GOLIM4: variants seen among roughly 807,000 people sequenced by gnomAD.
The protein encoded by GOLIM4 is golgi integral membrane protein 4.
Under a neutral mutation model 107.4 loss-of-function variants are expected in GOLIM4, and 71 were observed. That is an observed-to-expected ratio of 0.66 (90% CI 0.55 to 0.81). The LOEUF (loss-of-function observed/expected upper bound fraction) is 0.81, where lower values mean the gene tolerates loss of function less well. GOLIM4 is among the 30% of genes least tolerant of loss of function. The pLI is 0.00. For missense variants in GOLIM4, 830 were observed against 826.1 expected, an observed-to-expected ratio of 1.00 and a Z score of -0.06; for synonymous variants, 327 against 294.8, an observed-to-expected ratio of 1.11 and a Z score of -1.12.
Position 168,032,776 on chromosome 3 carries a change from G to A in GOLIM4, c.920C>T (p.Pro307Leu), listed in dbSNP as rs1383517995. 1 of 1,613,804 alleles carries A rather than the reference G, an allele frequency of 6.2e-7. No homozygotes were observed. Among genetic ancestry groups the A allele is most frequent in the African/African-American group, 1.3e-5 (1 of 74,858 alleles). ...CTGAAATTCTGCCTCCTTATGGGTG[G>A]GAGCATAGAGTTTTGTGTCTTCTGC... ...GRAEDTKLYAPTHKEAEFQAP... is the reference protein window; with the variant it reads ...GRAEDTKLYALTHKEAEFQAP... The change falls in exon 9 of 16, where the codon CCC becomes CTC. Residue 307 changes from proline to leucine, a missense_variant. By Grantham distance (98) the Pro-to-Leu change is moderately conservative. Transcript: ENST00000470487.
intron 1 of GOLIM4, among the ~76,000 whole-genome samples, chr3:168,069,457 A>G (rs975603125): frequency 1.3e-5 from 2 of 152,348 alleles, no homozygotes; most frequent in Admixed American, 1.3e-4. Flanking sequence ...CAATAATATA[A>G]TTTGAAACAA....
rs1306728865 is a variant in GOLIM4 at position 168,010,751 on chromosome 3, C to T, written c.1933G>A (p.Asp645Asn). Residue 645 changes from aspartate to asparagine, a missense_variant, in exon 15 of 16, where the codon GAT becomes AAT. By Grantham distance (23) the Asp-to-Asn change is conservative. Coordinates refer to ENST00000470487, the MANE Select transcript of GOLIM4 (RefSeq NM_014498.5). ...ATGTATCCCGGTCATACATTTTCAT[C>T]ATTTTCACCATAGGTCTCTTCAGCA... ...HNAEETYGEN[D>N]ENTDDKNNDG... 5.0e-6 allele frequency: 8 copies of T among 1,606,476 alleles called. No homozygotes were observed. The highest frequency in any genetic ancestry group is 6.8e-6 in the Non-Finnish European group (8 of 1,173,582).
intron 1 of GOLIM4, among the ~76,000 whole-genome samples, chr3:168,068,049 A>G (rs1720641346): frequency 1.3e-5 from 2 of 152,164 alleles, no homozygotes; most frequent in Non-Finnish European, 2.9e-5. Context: ...CACATTTTTA[A>G]CTTCAGAACT....
intron 9 of GOLIM4, 115 bp from the exon 10 acceptor site, chr3:168,030,151 G>A: frequency 2.0e-6 from 2 of 1,001,650 alleles, no homozygotes; most frequent in Non-Finnish European, 2.9e-6. Flanking sequence ...ACGACTATTT[G>A]TCAGGTGAAC....
At chr3:168,061,705 A>C (rs1406459431) in intron 1 of GOLIM4, among the ~76,000 whole-genome samples, 4 of 152,246 alleles carry the variant, frequency 2.6e-5, no homozygotes, top group Non-Finnish European at 4.4e-5. Context: ...GTACTTACTG[A>C]ATGATTACAT....
chr3:168,011,324 C>T (rs932180375), intron 14 of GOLIM4, among the ~76,000 whole-genome samples: 4 of 152,198 alleles, frequency 2.6e-5, no homozygotes, highest in East Asian at 1.9e-4. Flanking sequence ...CCAAATACTG[C>T]GCTTTTCCGA....
At chr3:168,039,548 G>A (rs1345706568) in intron 7 of GOLIM4, among the ~76,000 whole-genome samples, 1 of 152,156 alleles carries the variant, frequency 6.6e-6, no homozygotes, top group African/African-American at 2.4e-5. Context: ...ACAGGCATGA[G>A]CCACGGTGCC....
intron 1 of GOLIM4, among the ~76,000 whole-genome samples, chr3:168,057,125 A>C (rs1412016782): frequency 2.0e-5 from 3 of 152,016 alleles, no homozygotes; most frequent in Non-Finnish European, 4.4e-5. Flanking sequence ...GTCTAACGAG[A>C]GCTGATGGTT....
chr3:168,013,730 G>T (rs563518750), intron 14 of GOLIM4, among the ~76,000 whole-genome samples: 27,370 of 149,460 alleles, frequency 0.18, 5,584 homozygotes, highest in African/African-American at 0.51. Context: ...TCAGGATTAA[G>T]AATCTCACTC....
At chr3:168,056,881 T>C (rs1208724236) in intron 1 of GOLIM4, among the ~76,000 whole-genome samples, 2 of 152,290 alleles carry the variant, frequency 1.3e-5, no homozygotes, top group Admixed American at 6.5e-5. Flanking sequence ...CTGTGGACTT[T>C]TGAGTTAATG....
chr3:168,067,093 T>C (rs1720589255), intron 1 of GOLIM4, among the ~76,000 whole-genome samples: 1 of 152,112 alleles, frequency 6.6e-6, no homozygotes, highest in South Asian at 2.1e-4. Flanking sequence ...TATTCATGCT[T>C]AGTTCTTTCA....
rs1428686755 is a variant in GOLIM4 at position 168,010,767 on chromosome 3, C to G, written c.1917G>C (p.Glu639Asp). 4.3e-6 allele frequency: 7 copies of G among 1,611,526 alleles called. No individual in the cohort carries two copies. Among genetic ancestry groups the G allele is most frequent in the Non-Finnish European group, 1.7e-6 (2 of 1,178,098 alleles). Residue 639 changes from glutamate (E) to aspartate (D), a missense_variant, in exon 15 of 16, where the codon GAG (glutamate) becomes GAC (aspartate). Transcript: ENST00000470487. ...KKRELEHNAE[E>D]TYGENDENTD... Reference sequence around the variant, plus strand: ...CATTTTCATCATTTTCACCATAGGTCTCTTCAGCATTATGCTCCAGTTCCC... The same window carrying G: ...CATTTTCATCATTTTCACCATAGGTGTCTTCAGCATTATGCTCCAGTTCCC...
chr3:168,042,974 G>C (rs532497108), intron 5 of GOLIM4, among the ~76,000 whole-genome samples: 2 of 152,292 alleles, frequency 1.3e-5, no homozygotes, highest in East Asian at 3.9e-4. Context: ...TCAACAGCAA[G>C]TCTCTGCTCC....
At chr3:168,073,976 T>C (rs1404304342) in intron 1 of GOLIM4, among the ~76,000 whole-genome samples, 1 of 152,180 alleles carries the variant, frequency 6.6e-6, no homozygotes, top group African/African-American at 2.4e-5. Flanking sequence ...AGTGGTGTTA[T>C]GTCACCACCA....
At chr3:168,012,691 T>C (rs1159259918) in intron 14 of GOLIM4, among the ~76,000 whole-genome samples, 2 of 151,852 alleles carry the variant, frequency 1.3e-5, no homozygotes, top group African/African-American at 4.9e-5. Context: ...AGCGGATCTC[T>C]CGGCAGAAAC....
chr3:168,025,949 T>C (rs1310419142), intron 12 of GOLIM4, among the ~76,000 whole-genome samples: 1 of 152,206 alleles, frequency 6.6e-6, no homozygotes, highest in Admixed American at 6.5e-5. Context: ...CAGTGATGCT[T>C]GTCATGAGCT....
chr3:168,030,675 C>T (rs1488230494), intron 9 of GOLIM4, among the ~76,000 whole-genome samples: 1 of 152,132 alleles, frequency 6.6e-6, no homozygotes, highest in African/African-American at 2.4e-5. Flanking sequence ...TATTATCTCA[C>T]CCCAGTTATA....
At chr3:168,049,585 A>T (rs938662998) in intron 1 of GOLIM4, among the ~76,000 whole-genome samples, 1 of 152,132 alleles carries the variant, frequency 6.6e-6, no homozygotes, top group African/African-American at 2.4e-5. Flanking sequence ...GGCCAGTCAC[A>T]AGCTCCCCGT....
intron 12 of GOLIM4, among the ~76,000 whole-genome samples, chr3:168,027,466 T>C (rs1433576309): frequency 6.7e-6 from 1 of 148,650 alleles, no homozygotes; most frequent in Non-Finnish European, 1.5e-5. Flanking sequence ...TTTATTAATC[T>C]AAAAGTCATC....
Sources: gnomAD v4.1 joint callset for allele counts (sites outside exome capture counted in the v4.1 genomes callset) on GRCh38, gnomAD v4.1.1 for gene constraint, MANE v1.5 for transcripts, NCBI Gene and HGNC (gene_info 2026-07-23, HGNC 2026-07-21) for gene names.